MYOF: variants seen among roughly 807,000 people sequenced by gnomAD.
MYOF encodes myoferlin.
In MYOF, 244 loss-of-function variants were observed where a neutral mutation model predicts 284.2. The ratio of observed to expected loss-of-function variants is 0.86; its 90% confidence interval spans 0.77 to 0.95. The LOEUF (loss-of-function observed/expected upper bound fraction) is 0.95. MYOF is among the 40% of genes least tolerant of loss of function. MYOF has a pLI of 0.00. For synonymous variants in MYOF, 904 were observed against 919.7 expected (o/e 0.98, Z 0.31); for missense variants, 2,496 against 2,560.6 (o/e 0.97, Z 0.54).
chr10:93,329,614 G>A, intron 44 of MYOF, 50 bp downstream of exon 44: 7 of 1,605,010 alleles, frequency 4.4e-6, no homozygotes, highest in Non-Finnish European at 6.0e-6. Flanking sequence ...CTCCCCAGGT[G>A]CCAATGTCAG....
intron 43 of MYOF, among the ~76,000 whole-genome samples, chr10:93,330,225 T>C (rs1843238789): frequency 6.6e-6 from 1 of 152,170 alleles, no homozygotes; most frequent in African/African-American, 2.4e-5. Context: ...GCATCTGACA[T>C]GAGTGCATCG....
chr10:93,387,239 G>A (rs1474334825), intron 19 of MYOF, among the ~76,000 whole-genome samples: 2 of 152,262 alleles, frequency 1.3e-5, no homozygotes, highest in Non-Finnish European at 2.9e-5. Context: ...GGCTGGCGGT[G>A]ATTTGCAACC....
At chr10:93,379,336 C>G (rs999856106) in intron 21 of MYOF, among the ~76,000 whole-genome samples, 3 of 152,172 alleles carry the variant, frequency 2.0e-5, no homozygotes, top group African/African-American at 7.2e-5. Flanking sequence ...CTATGAGTTC[C>G]TGTTCCACCC....
At chr10:93,481,414 T>C (rs2057380055) in intron 1 of MYOF, among the ~76,000 whole-genome samples, 1 of 152,090 alleles carries the variant, frequency 6.6e-6, no homozygotes, top group Non-Finnish European at 1.5e-5. Context: ...TCGCCTGTTT[T>C]GCAGAAAAGA....
At chr10:93,340,205 A>G (rs771652523) in intron 38 of MYOF, 41 bp from the exon 39 acceptor site, 4 of 1,612,484 alleles carry the variant, frequency 2.5e-6, no homozygotes, top group East Asian at 2.2e-5. Context: ...GGCAAACCAT[A>G]TAACAGGTCA....
chr10:93,321,924 C>T (rs542939069), intron 48 of MYOF, among the ~76,000 whole-genome samples: 6 of 151,520 alleles, frequency 4.0e-5, no homozygotes, highest in African/African-American at 7.3e-5. Flanking sequence ...TTGCAAGGTA[C>T]TTTAAGTTGA....
At chr10:93,368,191 CT>C (rs778678974) in intron 25 of MYOF, among the ~76,000 whole-genome samples, 3 of 152,188 alleles carry the variant, frequency 2.0e-5, no homozygotes, top group Non-Finnish European at 4.4e-5. Flanking sequence ...CACAATCCAG[CT>C]GGCTGGACAT....
rs548178341 is a variant in MYOF, at chr10:93,342,435, G to A, written c.4326+1421C>T. The stretch of plus-strand genomic sequence containing the variant: ...TCAACCAGCCTTTCTTATCAACACA[G>A]TGTACCTCAATTAGATGTTAGGAGA... On this transcript the variant is annotated intron_variant, in intron 38 of 53. Transcript: ENST00000359263. Among the ~76,000 whole-genome samples the A allele has an allele frequency of 1.2e-4, 18 of 152,304 alleles. No homozygotes were observed. In the South Asian group the frequency reaches 3.7e-3, roughly 32 times the overall value.
chr10:93,437,732 C>G (rs1375751955), intron 3 of MYOF, among the ~76,000 whole-genome samples: 1 of 152,286 alleles, frequency 6.6e-6, no homozygotes, highest in Admixed American at 6.5e-5. Flanking sequence ...TCTCAGTTGG[C>G]CGTGCCTTGT....
chr10:93,333,745 C>T lies in MYOF; in HGVS notation c.4719+13G>A. The T allele has an allele frequency of 1.2e-6, 2 of 1,613,360 alleles. No homozygotes were observed. Among genetic ancestry groups the T allele is most frequent in the Middle Eastern group, 1.7e-4 (1 of 6,056 alleles). On this transcript the variant is annotated intron_variant, in intron 42 of 53. Coordinates refer to ENST00000359263, the MANE Select transcript of MYOF (RefSeq NM_013451.4). ...TCTTGCTACAGGAGAAGGCCCCACA[C>T]CCAAACTCTTACCAGGCCATTGTTG...
chr10:93,394,622 G>A (rs565963010), intron 16 of MYOF, among the ~76,000 whole-genome samples: 77 of 150,684 alleles, frequency 5.1e-4, no homozygotes, highest in Admixed American at 1.1e-3. Context: ...CACCACGCCC[G>A]GAGAATTTTT....
chr10:93,459,857 A>G (rs1480290599), intron 1 of MYOF, among the ~76,000 whole-genome samples: 2 of 152,226 alleles, frequency 1.3e-5, no homozygotes, highest in African/African-American at 2.4e-5. Context: ...TTCAACAAGC[A>G]TGAAATAGTA....
chr10:93,397,473 G>A lies in MYOF; in HGVS notation c.1222-17C>T. On this transcript the variant is annotated splice_polypyrimidine_tract_variant and intron_variant, in intron 13 of 53. Coordinates refer to ENST00000359263, the MANE Select transcript of MYOF (RefSeq NM_013451.4). ...TGTACAAACCTGTAAAATCACCAAAGCAAAAGTGTAGGTTTTCAAGTTTCT... is the reference window on the plus strand; with the variant it reads ...TGTACAAACCTGTAAAATCACCAAAACAAAAGTGTAGGTTTTCAAGTTTCT... 1 of 1,589,838 alleles carries A rather than the reference G, an allele frequency of 6.3e-7. No individual in the cohort carries two copies. The highest frequency in any genetic ancestry group is 8.6e-7 in the Non-Finnish European group (1 of 1,168,944).
At chr10:93,392,872 T>C (rs971144767) in intron 17 of MYOF, 45 bp downstream of exon 17, 1 of 1,535,010 alleles carries the variant, frequency 6.5e-7, no homozygotes, top group Non-Finnish European at 9.0e-7. Flanking sequence ...TAAGATAATA[T>C]TAGCTAGGAA....
intron 16 of MYOF, among the ~76,000 whole-genome samples, chr10:93,394,264 G>A (rs572655027): frequency 5.3e-4 from 81 of 151,614 alleles, no homozygotes; most frequent in Non-Finnish European, 4.1e-4. Context: ...ACCACACCCG[G>A]CTAATTTTTG....
chr10:93,323,011 T>C, intron 48 of MYOF, 67 bp downstream of exon 48: 8 of 1,458,706 alleles, frequency 5.5e-6, no homozygotes, highest in Non-Finnish European at 7.7e-6. Flanking sequence ...TATTCAGTAA[T>C]GAAAACTCAC....
At chr10:93,337,586 G>A (rs1843673539) in intron 40 of MYOF, 1 of 473,052 alleles carries the variant, frequency 2.1e-6, no homozygotes, top group Admixed American at 3.8e-5. Flanking sequence ...ATGCCTCCAA[G>A]CCCCAATGTG....
Position 93,325,806 on chromosome 10 carries a change from A to C in MYOF, c.5271+20T>G, listed in dbSNP as rs1012814889. On this transcript the variant is annotated intron_variant, in intron 46 of 53. Transcript: ENST00000359263. ...TTTGGGGCAGGGATAATGGTCTTCAAGGGAGGGAAGGCCCTTTACCTGGGA... is the reference window on the plus strand; with the variant it reads ...TTTGGGGCAGGGATAATGGTCTTCACGGGAGGGAAGGCCCTTTACCTGGGA... 2 of 1,603,428 alleles carry C rather than the reference A, an allele frequency of 1.2e-6. No individual in the cohort carries two copies. The highest frequency in any genetic ancestry group is 4.5e-5 in the East Asian group (2 of 44,692).
chr10:93,476,813 A>C lies in MYOF; in HGVS notation c.88+5294T>G, dbSNP rs1027866177. On this transcript the variant is annotated intron_variant, in intron 1 of 53. Coordinates refer to ENST00000359263, the MANE Select transcript of MYOF (RefSeq NM_013451.4). ...GAAATATCTAGGCTCACATTCCAAA[A>C]ACAGGTCCAAGTAAAATGACAGGAA... Among the ~76,000 whole-genome samples the C allele has an allele frequency of 1.1e-4, 17 of 152,344 alleles. No homozygotes were observed. The South Asian group carries it at 1.5e-3, about 13-fold the overall frequency.
Sources: allele counts gnomAD v4.1 joint callset (sites outside exome capture counted in the v4.1 genomes callset), GRCh38; gene constraint gnomAD v4.1.1; transcripts MANE v1.5; gene names NCBI Gene and HGNC (gene_info 2026-07-23, HGNC 2026-07-21).